Variants in B3GLCT observed in about 807,000 individuals in gnomAD.
B3GLCT encodes beta 3-glucosyltransferase.
B3GLCT carries 65 observed loss-of-function variants against 63.4 expected under a neutral mutation model. That is an observed-to-expected ratio of 1.03 (90% CI 0.84 to 1.26). B3GLCT has a LOEUF of 1.26. Among genes scored for constraint, B3GLCT ranks in the 50% most tolerant of loss-of-function variants. The pLI is 0.00. For synonymous variants in B3GLCT, 233 were observed against 219.2 expected, an observed-to-expected ratio of 1.06 and a Z score of -0.55; for missense variants, 577 against 604.8, an observed-to-expected ratio of 0.95 and a Z score of 0.48.
chr13:31,274,295 T>G (rs542955796), intron 8 of B3GLCT, among the ~76,000 whole-genome samples: 1 of 152,378 alleles, frequency 6.6e-6, no homozygotes, highest in African/African-American at 2.4e-5. Flanking sequence ...TGATTCATAG[T>G]TAATTGCTTA....
At chr13:31,201,337 T>G (rs1868657599) in intron 1 of B3GLCT, among the ~76,000 whole-genome samples, 1 of 152,196 alleles carries the variant, frequency 6.6e-6, no homozygotes, top group African/African-American at 2.4e-5. Flanking sequence ...AGGCGCTCAG[T>G]AAGTGTGGGA....
Position 31,297,085 on chromosome 13 carries a change from G to A in B3GLCT, c.1064+10266G>A, listed in dbSNP as rs138500693. Among the ~76,000 whole-genome samples the A allele has an allele frequency of 5.8e-3, 880 of 150,872 alleles. 8 individuals are homozygous for A. The highest frequency in any genetic ancestry group is 0.02 in the African/African-American group (835 of 41,030). On this transcript the variant is annotated intron_variant, in intron 12 of 14. Transcript: ENST00000343307. The stretch of plus-strand genomic sequence containing the variant: ...CATAATGTCTTCGAAATTTATCCGT[G>A]TTGTAGCATATTGCAGAATTTCCTT...
chr13:31,230,704 A>G (rs918131253), intron 4 of B3GLCT, among the ~76,000 whole-genome samples: 14 of 152,290 alleles, frequency 9.2e-5, no homozygotes, highest in Non-Finnish European at 1.8e-4. Flanking sequence ...GAGCAGCTTG[A>G]TAAGTTAAAA....
rs1056756490 is a variant in B3GLCT at position 31,200,100 on chromosome 13, T to C, written c.16T>C (p.Cys6Arg). The C allele has an allele frequency of 1.5e-6, 2 of 1,374,484 alleles. No homozygotes were observed. The highest frequency in any genetic ancestry group is 9.5e-7 in the Non-Finnish European group (1 of 1,054,206). 85.1% of individuals were successfully genotyped at this position (1,374,484 alleles called of 1,614,324 possible). A position where few individuals can be genotyped will look rare whatever the true frequency, so the allele number is the denominator to read the frequency against. Reference protein sequence around the residue: MRPPACWWLLAPPALL... With the variant: MRPPARWWLLAPPALL... ...CGCCGCCAGGATGCGGCCGCCCGCC[T>C]GCTGGTGGCTGCTCGCGCCGCCGGC... The change falls in exon 1 of 15, where the codon TGC (cysteine) becomes CGC (arginine). Residue 6 changes from cysteine to arginine, a missense_variant. Coordinates refer to ENST00000343307, the MANE Select transcript of B3GLCT (RefSeq NM_194318.4).
intron 8 of B3GLCT, among the ~76,000 whole-genome samples, chr13:31,273,312 T>A (rs1373961563): frequency 6.6e-6 from 1 of 152,226 alleles, no homozygotes. Context: ...GACAGGCTGG[T>A]CTCGAACTCC....
intron 1 of B3GLCT, among the ~76,000 whole-genome samples, chr13:31,203,792 C>T (rs1396515055): frequency 6.6e-6 from 1 of 152,170 alleles, no homozygotes; most frequent in Non-Finnish European, 1.5e-5. Context: ...TTCAAGGGTT[C>T]ATCAGACCTA....
intron 4 of B3GLCT, among the ~76,000 whole-genome samples, chr13:31,243,810 C>T (rs974803743): frequency 6.6e-6 from 1 of 152,182 alleles, no homozygotes; most frequent in South Asian, 2.1e-4. Flanking sequence ...GATTATGATA[C>T]CAGTGGATGC....
chr13:31,319,713 CTT>C (rs1282409650), intron 13 of B3GLCT, among the ~76,000 whole-genome samples: 2 of 152,296 alleles, frequency 1.3e-5, no homozygotes, highest in East Asian at 3.9e-4. Context: ...ACCCAGAACT[CTT>C]TCTCCAGCCT....
At position 31,332,044 on chromosome 13, in the gene B3GLCT, G is replaced by A. The variant is rs1167763363; in HGVS notation, c.*2376G>A. On this transcript the variant is annotated 3_prime_UTR_variant, in exon 15 of 15. Transcript: ENST00000343307. Reference sequence around the variant, plus strand: ...TCCAGACATGAAAATAACCTTTCTAGAATGCCTAGGAGCAGAAAACAATAA... The same window carrying A: ...TCCAGACATGAAAATAACCTTTCTAAAATGCCTAGGAGCAGAAAACAATAA... The A allele has an allele frequency of 2.0e-5, 3 of 152,140 alleles. No individual in the cohort carries two copies. The highest frequency in any genetic ancestry group is 2.9e-5 in the Non-Finnish European group (2 of 68,020). The allele number at this position is 152,140 out of a possible 1,614,324, so 9.4% of individuals were successfully genotyped here.
At chr13:31,232,420 TAGAG>T (rs5802598) in intron 4 of B3GLCT, among the ~76,000 whole-genome samples, 92,935 of 151,570 alleles carry the variant, frequency 0.61, 30,011 homozygotes, top group Middle Eastern at 0.75. Flanking sequence ...GCAGGAGGGT[TAGAG>T]AGAGAGGGGA....
intron 3 of B3GLCT, 135 bp from the exon 4 acceptor site, chr13:31,229,050 A>T (rs554801858): frequency 1.5e-6 from 1 of 660,164 alleles, no homozygotes; most frequent in Admixed American, 2.7e-5. Flanking sequence ...CTAGAATTAC[A>T]TACGAATTGA....
intron 9 of B3GLCT, among the ~76,000 whole-genome samples, chr13:31,275,327 G>C (rs1872733694): frequency 6.6e-6 from 1 of 152,232 alleles, no homozygotes; most frequent in Non-Finnish European, 1.5e-5. Context: ...TGGCTACACA[G>C]CTAGTAGGGA....
chr13:31,309,458 C>T (rs1874589038), intron 12 of B3GLCT, among the ~76,000 whole-genome samples: 1 of 152,212 alleles, frequency 6.6e-6, no homozygotes, highest in African/African-American at 2.4e-5. Context: ...GACTGCTTCC[C>T]CAGACACCAG....
In B3GLCT at chr13:31,276,772, G is replaced by A; in HGVS notation, c.850+1G>A. Reference sequence around the variant, plus strand: ...TGCAAGAAATTTCATGGTGACAGAAGTATGTTTTGGGTTATTCATTTTATT... The same window carrying A: ...TGCAAGAAATTTCATGGTGACAGAAATATGTTTTGGGTTATTCATTTTATT... On this transcript the variant is annotated splice_donor_variant, in intron 10 of 14. Coordinates refer to ENST00000343307, the MANE Select transcript of B3GLCT (RefSeq NM_194318.4). LOFTEE classifies it high-confidence loss of function. 6.2e-7 allele frequency: 1 copy of A among 1,608,510 alleles called. No homozygotes were observed. Among genetic ancestry groups the A allele is most frequent in the Non-Finnish European group, 8.5e-7 (1 of 1,174,994 alleles).
intron 10 of B3GLCT, among the ~76,000 whole-genome samples, chr13:31,282,649 C>CAA (rs11333268): frequency 0.016 from 2,132 of 129,852 alleles, 53 homozygotes; most frequent in African/African-American, 0.027. Flanking sequence ...GACTCTGTCT[C>CAA]AAAAAAAAAA....
chr13:31,210,823 C>T (rs1056213408), intron 1 of B3GLCT, among the ~76,000 whole-genome samples: 1 of 152,128 alleles, frequency 6.6e-6, no homozygotes, highest in Non-Finnish European at 1.5e-5. Context: ...TAGTTTACTG[C>T]AGCCTGGAAC....
At chr13:31,265,453 G>A (rs375530491) in intron 7 of B3GLCT, among the ~76,000 whole-genome samples, 23 of 152,204 alleles carry the variant, frequency 1.5e-4, no homozygotes, top group African/African-American at 4.1e-4. Flanking sequence ...TGTAGGTAGC[G>A]TAACAACTTA....
At chr13:31,278,504 G>T (rs1169371611) in intron 10 of B3GLCT, among the ~76,000 whole-genome samples, 1 of 152,106 alleles carries the variant, frequency 6.6e-6, no homozygotes, top group Non-Finnish European at 1.5e-5. Context: ...ATTTGAATCT[G>T]GGATCATTAA....
At chr13:31,265,647 A>G (rs1297285625) in intron 7 of B3GLCT, among the ~76,000 whole-genome samples, 2 of 152,236 alleles carry the variant, frequency 1.3e-5, no homozygotes, top group African/African-American at 2.4e-5. Flanking sequence ...ATCAATTAAA[A>G]CAATACTTTC....
Sources: allele counts gnomAD v4.1 joint callset (sites outside exome capture counted in the v4.1 genomes callset), GRCh38; gene constraint gnomAD v4.1.1; transcripts MANE v1.5; gene names NCBI Gene and HGNC (gene_info 2026-07-23, HGNC 2026-07-21).